PRSS23: variants seen among roughly 807,000 people sequenced by gnomAD.
PRSS23 encodes the protein serine protease 23, also known as protease, serine 23.
Under a neutral mutation model 34.7 loss-of-function variants are expected in PRSS23, and 25 were observed. The observed-to-expected ratio is 0.72, with a 90% CI of 0.53 to 1.01. The LOEUF (loss-of-function observed/expected upper bound fraction) is 1.01, where lower values mean the gene tolerates loss of function less well. PRSS23 is among the 50% of genes least tolerant of loss of function. The probability of loss-of-function intolerance (pLI) is 0.00; values close to 1 mark genes in which losing one functional copy is unlikely to be tolerated. For synonymous variants in PRSS23, 176 were observed against 186.6 expected (o/e 0.94, Z 0.46); for missense variants, 445 against 475.6 (o/e 0.94, Z 0.60).
chr11:86,935,263 C>T (rs1007639735), intron 2 of PRSS23: 11 of 152,230 alleles, frequency 7.2e-5, no homozygotes, highest in African/African-American at 2.7e-4. Flanking sequence ...TCAACCAATG[C>T]TTATTAAACA....
rs1244913896 is a variant in PRSS23 at position 86,857,893 on chromosome 11, C to T, written c.206+34300C>T. On this transcript the variant is annotated intron_variant, in intron 2 of 2. Coordinates refer to the PRSS23 transcript ENST00000533902. ...GCCAGCCAGGATGATGAACAGGTTC[C>T]TCAGCATCGTGACCAGGTACATGGA... is the stretch of plus-strand genomic sequence containing the variant. 3 of 498,112 alleles carry T rather than the reference C, an allele frequency of 6.0e-6. No homozygotes were observed. The East Asian group carries it at 1.6e-4, about 27-fold the overall frequency. 30.9% of individuals were successfully genotyped at this position (498,112 alleles called of 1,614,324 possible).
At chr11:86,879,619 A>C (rs1948755985) in intron 2 of PRSS23, among the ~76,000 whole-genome samples, 4 of 110,998 alleles carry the variant, frequency 3.6e-5, no homozygotes, top group Non-Finnish European at 3.8e-5. Context: ...GGCCGCCCCT[A>C]CTGGGAAGTG....
At chr11:86,861,267 G>A (rs565354776) in intron 2 of PRSS23, among the ~76,000 whole-genome samples, 120 of 151,360 alleles carry the variant, frequency 7.9e-4, no homozygotes, top group African/African-American at 2.6e-3. Flanking sequence ...ATGTCGCGGG[G>A]GGTGTCCACC....
chr11:86,814,945 T>C (rs1334427512), downstream of PRSS23, among the ~76,000 whole-genome samples: 1 of 152,208 alleles, frequency 6.6e-6, no homozygotes, highest in East Asian at 1.9e-4. Flanking sequence ...AATACTGTGC[T>C]CTCTTAGTCT....
chr11:86,923,704 GTTA>G (rs569195034), intron 2 of PRSS23, among the ~76,000 whole-genome samples: 55 of 152,188 alleles, frequency 3.6e-4, no homozygotes, highest in Non-Finnish European at 7.5e-4. Context: ...TGTACACACT[GTTA>G]TTTAGTCTGT....
chr11:86,829,788 G>A (rs1177935588), intron 2 of PRSS23, among the ~76,000 whole-genome samples: 1 of 152,220 alleles, frequency 6.6e-6, no homozygotes, highest in Non-Finnish European at 1.5e-5. Context: ...CAGCAGCGGT[G>A]GCTGCAGAAC....
intron 2 of PRSS23, among the ~76,000 whole-genome samples, chr11:86,927,556 A>G (rs1237486603): frequency 6.6e-6 from 1 of 152,106 alleles, no homozygotes; most frequent in Non-Finnish European, 1.5e-5. Context: ...TATATTGCCC[A>G]GTCTGGTCTT....
At chr11:86,915,910 C>T (rs1182002699) in intron 2 of PRSS23, among the ~76,000 whole-genome samples, 1 of 151,826 alleles carries the variant, frequency 6.6e-6, no homozygotes, top group Non-Finnish European at 1.5e-5. Flanking sequence ...AAAAAGTTAG[C>T]CAGGCATGGT....
chr11:86,952,643 T>G (rs1274738899), exon 3 of PRSS23: 13 of 633,690 alleles, frequency 2.1e-5, no homozygotes, highest in Non-Finnish European at 3.3e-5. Context: ...CGCCTGATAA[T>G]CCATCACTTA....
intron 2 of PRSS23, among the ~76,000 whole-genome samples, chr11:86,868,316 C>T (rs1262911942): frequency 6.6e-6 from 1 of 152,200 alleles, no homozygotes; most frequent in Non-Finnish European, 1.5e-5. Context: ...TCTTCATCTC[C>T]TTCTGGGTTC....
At chr11:86,853,319 A>G (rs1194723592) in intron 2 of PRSS23, among the ~76,000 whole-genome samples, 2 of 127,366 alleles carry the variant, frequency 1.6e-5, no homozygotes, top group African/African-American at 6.3e-5. Context: ...CAGTGGCACA[A>G]TCTGGGCTCA....
chr11:86,831,888 G>A (rs955164314), intron 2 of PRSS23, among the ~76,000 whole-genome samples: 5 of 151,876 alleles, frequency 3.3e-5, no homozygotes, highest in Admixed American at 6.6e-5. Flanking sequence ...TGTGCACCTT[G>A]TGATATTATT....
chr11:86,864,435 C>A (rs1290704695), intron 2 of PRSS23, among the ~76,000 whole-genome samples: 1 of 152,184 alleles, frequency 6.6e-6, no homozygotes, highest in African/African-American at 2.4e-5. Context: ...GAGGAAGGAC[C>A]ACGTAGTCAT....
rs193001301 is a variant in PRSS23, at chr11:86,830,462, G to A, written c.206+6869G>A. On this transcript the variant is annotated intron_variant, in intron 2 of 2. Coordinates refer to the PRSS23 transcript ENST00000533902. ...CGCTTCCCAAGTGAGGCAGTGCCTCGCCCTGCTTCAGCTCGCACATGGTGC... is the reference window on the plus strand; with the variant it reads ...CGCTTCCCAAGTGAGGCAGTGCCTCACCCTGCTTCAGCTCGCACATGGTGC... Among the ~76,000 whole-genome samples the A allele has an allele frequency of 1.9e-3, 296 of 152,252 alleles. 1 individual carries two copies. Among genetic ancestry groups the A allele is most frequent in the African/African-American group, 4.1e-3 (172 of 41,554 alleles).
At chr11:86,918,584 T>C (rs1949028571) in intron 2 of PRSS23, among the ~76,000 whole-genome samples, 2 of 152,218 alleles carry the variant, frequency 1.3e-5, no homozygotes, top group Admixed American at 1.3e-4. Flanking sequence ...TATATTTTAC[T>C]TTTTTACAAA....
At chr11:86,843,512 A>G (rs1948463738) in intron 2 of PRSS23, among the ~76,000 whole-genome samples, 1 of 152,238 alleles carries the variant, frequency 6.6e-6, no homozygotes, top group African/African-American at 2.4e-5. Context: ...AAATTTTTGC[A>G]ATCTATCCAT....
intron 2 of PRSS23, among the ~76,000 whole-genome samples, chr11:86,875,434 A>G (rs1330728435): frequency 6.6e-6 from 1 of 152,192 alleles, no homozygotes; most frequent in Non-Finnish European, 1.5e-5. Context: ...CAGGCTCAGC[A>G]CATGATTTTT....
intron 2 of PRSS23, among the ~76,000 whole-genome samples, chr11:86,877,557 A>G (rs568270377): frequency 2.1e-4 from 32 of 152,264 alleles, no homozygotes; most frequent in Non-Finnish European, 3.8e-4. Context: ...TTGTTTGCAT[A>G]TGGCTATCTA....
chr11:86,858,721 C>G (rs1948590932), intron 2 of PRSS23, among the ~76,000 whole-genome samples: 1 of 151,420 alleles, frequency 6.6e-6, no homozygotes, highest in South Asian at 2.1e-4. Flanking sequence ...AGGGGGTGTA[C>G]ACAACCCTGT....
Sources: gnomAD v4.1 joint callset for allele counts (sites outside exome capture counted in the v4.1 genomes callset) on GRCh38, gnomAD v4.1.1 for gene constraint, MANE v1.5 for transcripts, NCBI Gene and HGNC (gene_info 2026-07-23, HGNC 2026-07-21) for gene names.